The following RGS22 variants were observed in gnomAD, a reference collection of about 807,000 sequenced individuals.
The protein encoded by RGS22 is regulator of G-protein signaling 22.
RGS22 carries 148 observed loss-of-function variants against 172.9 expected under a neutral mutation model. The observed-to-expected ratio is 0.86, with a 90% confidence interval of 0.75 to 0.98. The LOEUF is 0.98. RGS22 is among the 50% of genes least tolerant of loss of function. RGS22 has a pLI of 0.00. For synonymous variants in RGS22, 458 were observed against 480.2 expected, an observed-to-expected ratio of 0.95 and a Z score of 0.60; for missense variants, 1,347 against 1,440.8, an observed-to-expected ratio of 0.93 and a Z score of 1.05.
chr8:99,974,762 C>T (rs1811744215), intron 23 of RGS22, among the ~76,000 whole-genome samples: 1 of 150,014 alleles, frequency 6.7e-6, no homozygotes, highest in Non-Finnish European at 1.5e-5. Flanking sequence ...CATCCCACTG[C>T]ACTCCAGCCT....
At chr8:99,980,976 G>A (rs1229634743) in intron 22 of RGS22, among the ~76,000 whole-genome samples, 1 of 152,112 alleles carries the variant, frequency 6.6e-6, no homozygotes, top group African/African-American at 2.4e-5. Context: ...TGGATTGTGA[G>A]TCCACTTTTA....
intron 10 of RGS22, among the ~76,000 whole-genome samples, chr8:100,051,410 TTATA>T (rs535756583): frequency 1.6e-5 from 2 of 127,758 alleles, no homozygotes; most frequent in African/African-American, 2.9e-5. Flanking sequence ...TATATATTTA[TTATA>T]TATATATACA....
At chr8:100,039,900 T>C in intron 13 of RGS22, 62 bp downstream of exon 13, 1 of 1,036,130 alleles carries the variant, frequency 9.7e-7, no homozygotes, top group Non-Finnish European at 1.3e-6. Context: ...TTAATTATTT[T>C]GATGTCTCAT....
In RGS22 at chr8:100,063,720, T is replaced by G. The variant is rs1437237321; in HGVS notation, c.1048A>C (p.Lys350Gln). Residue 350 changes from lysine (K) to glutamine (Q), a missense_variant, in exon 8 of 28, where the codon AAA becomes CAA. Lys to Gln is a moderately conservative substitution (Grantham distance 53). Coordinates refer to ENST00000360863, the MANE Select transcript of RGS22 (RefSeq NM_015668.5). ...TCAAAACAATCATCAAATGACACTT[T>G]TGTTATATTGTTGAAGTTTATATAG... is the stretch of plus-strand genomic sequence containing the variant. ...PDYINFNNITKVSFDDCFESI... is the reference protein window; with the variant it reads ...PDYINFNNITQVSFDDCFESI... 5 of 1,614,038 alleles carry G rather than the reference T, an allele frequency of 3.1e-6. No homozygotes were observed. In the African/African-American group the frequency reaches 6.7e-5, roughly 22 times the overall value.
chr8:100,069,955 G>C (rs1219966458), intron 6 of RGS22, among the ~76,000 whole-genome samples: 1 of 148,324 alleles, frequency 6.7e-6, no homozygotes, highest in African/African-American at 2.5e-5. Context: ...TTGAATCCTG[G>C]AGGTGGAGGT....
intron 3 of RGS22, among the ~76,000 whole-genome samples, chr8:100,081,017 T>C (rs1289481046): frequency 6.6e-6 from 1 of 152,224 alleles, no homozygotes; most frequent in Non-Finnish European, 1.5e-5. Context: ...GGTAAATCAC[T>C]GAACATTTTT....
chr8:100,062,297 TAAAATA>T (rs1452805340), intron 9 of RGS22, among the ~76,000 whole-genome samples: 1 of 151,876 alleles, frequency 6.6e-6, no homozygotes, highest in Non-Finnish European at 1.5e-5. Context: ...CCCCTGTACT[TAAAATA>T]GAAGTTAAAA....
rs770337582 is a variant in RGS22, at chr8:100,080,143, G to T, written c.330C>A (p.Tyr110Ter). The T allele has an allele frequency of 2.0e-5, 31 of 1,589,420 alleles. No individual in the cohort carries two copies. The South Asian group carries it at 2.9e-4, about 15-fold the overall frequency. Residue 110 changes from tyrosine to a stop codon, truncating the protein, a stop_gained, in exon 4 of 28, where the codon TAC becomes TAA. Coordinates refer to ENST00000360863, the MANE Select transcript of RGS22 (RefSeq NM_015668.5). LOFTEE classifies it high-confidence loss of function. ...CAGTATACTTTCTTACCATAATATT[G>T]TAGTTGACATTAATGGTCTCATCTT... ...PDEDETINVN[Y>*]NIMCLSREEG...
rs534777996 is a variant in RGS22 at position 100,059,464 on chromosome 8, CA to C, written c.1514+3126del. Among the ~76,000 whole-genome samples the C allele has an allele frequency of 8.7e-3, 957 of 110,162 alleles. 6 individuals are homozygous for C. Among genetic ancestry groups the C allele is most frequent in the African/African-American group, 0.021 (631 of 30,070 alleles). The allele number at this position is 110,162 out of a possible 152,430, so 72.3% of individuals were successfully genotyped here. A position where few individuals can be genotyped will look rare whatever the true frequency, so the allele number is the denominator to read the frequency against. ...AAAACATGTTCCATGTCAATGGAAACAAAAAAAAAAAAGCAGGAGTAGCTAT... is the reference window on the plus strand; with the variant it reads ...AAAACATGTTCCATGTCAATGGAAACAAAAAAAAAAAGCAGGAGTAGCTAT... On this transcript the variant is annotated intron_variant, in intron 9 of 27. Transcript: ENST00000360863.
At chr8:99,990,644 C>T (rs1344627647) in intron 20 of RGS22, among the ~76,000 whole-genome samples, 1 of 152,114 alleles carries the variant, frequency 6.6e-6, no homozygotes, top group Non-Finnish European at 1.5e-5. Flanking sequence ...TAAAGCCCAC[C>T]GCAGCTCAAC....
intron 19 of RGS22, among the ~76,000 whole-genome samples, chr8:99,998,317 G>A (rs1367714711): frequency 5.3e-5 from 8 of 152,212 alleles, no homozygotes; most frequent in Non-Finnish European, 8.8e-5. Flanking sequence ...ACCTTACTAA[G>A]TAATTACTAT....
intron 4 of RGS22, among the ~76,000 whole-genome samples, chr8:100,075,935 G>A (rs930995454): frequency 3.3e-5 from 5 of 152,056 alleles, no homozygotes; most frequent in African/African-American, 1.2e-4. Flanking sequence ...TGTTGGGTGT[G>A]AAGTAGTGTC....
At chr8:100,105,852 C>T (rs751197684) in intron 1 of RGS22, 45 bp downstream of exon 1, 2 of 1,480,158 alleles carry the variant, frequency 1.4e-6, no homozygotes, top group South Asian at 1.3e-5. Flanking sequence ...GGTGCGGCCC[C>T]GACGCCGCGG....
intron 9 of RGS22, 142 bp from the exon 10 acceptor site, chr8:100,053,118 C>G: frequency 1.4e-6 from 1 of 720,052 alleles, no homozygotes; most frequent in Non-Finnish European, 2.2e-6. Flanking sequence ...TCTTTCTCTA[C>G]TACATAGCCT....
At chr8:100,099,971 A>G (rs1026262905) in intron 2 of RGS22, among the ~76,000 whole-genome samples, 2 of 152,096 alleles carry the variant, frequency 1.3e-5, no homozygotes, top group Admixed American at 1.3e-4. Flanking sequence ...AATTTAACAT[A>G]TTTTGTTTGA....
At chr8:100,100,291 A>AT (rs764067983) in intron 2 of RGS22, among the ~76,000 whole-genome samples, 5,818 of 136,890 alleles carry the variant, frequency 0.043, 295 homozygotes, top group African/African-American at 0.12. Context: ...TTTTTTTCTG[A>AT]TTTTTTTTTT....
chr8:100,075,475 A>G (rs987338064), intron 4 of RGS22, among the ~76,000 whole-genome samples: 1 of 152,246 alleles, frequency 6.6e-6, no homozygotes, highest in African/African-American at 2.4e-5. Context: ...TACAGTCTAT[A>G]GAACCATAAG....
At chr8:99,970,817 C>G (rs951293453) in intron 23 of RGS22, among the ~76,000 whole-genome samples, 1 of 152,150 alleles carries the variant, frequency 6.6e-6, no homozygotes, top group Non-Finnish European at 1.5e-5. Context: ...GGAGGTGGTA[C>G]CATTCCTTCT....
chr8:100,068,004 T>A (rs1401446923), intron 6 of RGS22, among the ~76,000 whole-genome samples: 1 of 152,154 alleles, frequency 6.6e-6, no homozygotes, highest in Non-Finnish European at 1.5e-5. Context: ...ATCATGAAGA[T>A]TAATCCCTAT....
Sources: allele counts gnomAD v4.1 joint callset (sites outside exome capture counted in the v4.1 genomes callset), GRCh38; gene constraint gnomAD v4.1.1; transcripts MANE v1.5; gene names NCBI Gene and HGNC (gene_info 2026-07-23, HGNC 2026-07-21).